Variants in SMYD3 observed in about 807,000 individuals in gnomAD.
SMYD3 encodes the protein SET and MYND domain containing 3, also known as histone-lysine N-methyltransferase SMYD3.
SMYD3 carries 36 observed loss-of-function variants against 57.7 expected under a neutral mutation model. The observed-to-expected ratio is 0.62, with a 90% confidence interval of 0.48 to 0.82. The LOEUF (loss-of-function observed/expected upper bound fraction) is 0.82. Among genes scored for constraint, SMYD3 ranks in the 40% least tolerant of loss-of-function variants. The pLI is 0.00. For synonymous variants in SMYD3, 211 were observed against 195.0 expected (o/e 1.08, Z -0.68); for missense variants, 515 against 538.8 (o/e 0.96, Z 0.44).
intron 5 of SMYD3, among the ~76,000 whole-genome samples, chr1:246,107,173 G>C (rs12080174): frequency 6.8e-6 from 1 of 147,318 alleles, no homozygotes; most frequent in African/African-American, 2.6e-5. Context: ...TGTAGTCCCA[G>C]CTACTCGGGA....
At chr1:246,193,619 T>C (rs768566238) in intron 5 of SMYD3, 1 of 152,162 alleles carries the variant, frequency 6.6e-6, no homozygotes. Context: ...ATAAATCAGA[T>C]CCAAATTAGC....
chr1:246,473,609 C>G (rs538847687), intron 1 of SMYD3, among the ~76,000 whole-genome samples: 107 of 152,312 alleles, frequency 7.0e-4, no homozygotes, highest in African/African-American at 2.4e-3. Flanking sequence ...CCCCCCACCA[C>G]CATAGCAGAC....
At chr1:246,216,243 C>T (rs1257919927) in intron 5 of SMYD3, among the ~76,000 whole-genome samples, 1 of 148,586 alleles carries the variant, frequency 6.7e-6, no homozygotes, top group African/African-American at 2.5e-5. Flanking sequence ...GCCGAGATAG[C>T]GCCATGGCAC....
chr1:246,310,811 A>G (rs1044775343), intron 5 of SMYD3, among the ~76,000 whole-genome samples: 2 of 152,044 alleles, frequency 1.3e-5, no homozygotes, highest in Non-Finnish European at 2.9e-5. Flanking sequence ...CTGGGTCTAC[A>G]GGCATGTGCC....
intron 1 of SMYD3, among the ~76,000 whole-genome samples, chr1:246,453,395 G>C (rs892338004): frequency 6.6e-6 from 1 of 152,220 alleles, no homozygotes; most frequent in Non-Finnish European, 1.5e-5. Context: ...ATTTAGTACA[G>C]TGGTGGATTA....
chr1:246,266,333 C>T (rs1238685252), intron 5 of SMYD3, among the ~76,000 whole-genome samples: 1 of 152,164 alleles, frequency 6.6e-6, no homozygotes, highest in South Asian at 2.1e-4. Context: ...AGGACCAACT[C>T]TAATGTCCAA....
intron 1 of SMYD3, among the ~76,000 whole-genome samples, chr1:246,396,177 T>G (rs1049010016): frequency 6.6e-6 from 1 of 152,206 alleles, no homozygotes; most frequent in Non-Finnish European, 1.5e-5. Context: ...GATGGAAGTA[T>G]GAGTTGCTCA....
intron 5 of SMYD3, among the ~76,000 whole-genome samples, chr1:246,042,445 C>T (rs1156995382): frequency 6.6e-6 from 1 of 152,136 alleles, no homozygotes; most frequent in African/African-American, 2.4e-5. Flanking sequence ...GTGAGGAGCT[C>T]AGCACCTTCC....
At chr1:246,197,024 G>C (rs1254376328) in intron 5 of SMYD3, among the ~76,000 whole-genome samples, 1 of 152,006 alleles carries the variant, frequency 6.6e-6, no homozygotes, top group Non-Finnish European at 1.5e-5. Flanking sequence ...CAATGATGAG[G>C]ATATGTCAAA....
Position 246,199,133 on chromosome 1 carries a change from C to T in SMYD3, c.531+128068G>A, listed in dbSNP as rs185682591. Among the ~76,000 whole-genome samples, 600 of 152,016 alleles carry T rather than the reference C, an allele frequency of 3.9e-3. 3 individuals carry two copies. Among genetic ancestry groups the T allele is most frequent in the South Asian group, 0.011 (53 of 4,806 alleles). On this transcript the variant is annotated intron_variant, in intron 5 of 11. Transcript: ENST00000490107. The stretch of plus-strand genomic sequence containing the variant: ...CCCTTGCCCCCATCCCCTCTTCCCC[C>T]TCTAGTAGTCCCAGTACCTACTGTT...
intron 7 of SMYD3, among the ~76,000 whole-genome samples, chr1:245,921,570 T>TATATATATATACACACACAC (rs1231534223): frequency 1.4e-5 from 2 of 147,898 alleles, no homozygotes; most frequent in African/African-American, 5.1e-5. Flanking sequence ...TATATATATA[T>TATATATATATACACACACAC]ACACATACCA....
At chr1:245,770,127 CAT>C (rs1449167480) in intron 10 of SMYD3, among the ~76,000 whole-genome samples, 6 of 152,206 alleles carry the variant, frequency 3.9e-5, no homozygotes, top group African/African-American at 1.4e-4. Context: ...AACAGGAAAA[CAT>C]AGACAAAAAA....
chr1:246,292,963 T>C (rs1056637351), intron 5 of SMYD3, among the ~76,000 whole-genome samples: 4 of 152,078 alleles, frequency 2.6e-5, no homozygotes, highest in Admixed American at 1.3e-4. Context: ...AAATTGCTGA[T>C]GAAATCAAGG....
intron 5 of SMYD3, among the ~76,000 whole-genome samples, chr1:246,256,809 T>C (rs1325055246): frequency 6.6e-6 from 1 of 152,196 alleles, no homozygotes; most frequent in Non-Finnish European, 1.5e-5. Flanking sequence ...TATTTAGCAC[T>C]ATAAAATTTC....
In SMYD3 at chr1:246,367,618, G is replaced by A. The variant is rs530686978; in HGVS notation, c.165-12524C>T. ...CAGCTAATCTTTGTATTTTAGTAGA[G>A]ATGGGGTTTCACTGTGTTGGCCAGG... is the stretch of plus-strand genomic sequence containing the variant. On this transcript the variant is annotated intron_variant, in intron 1 of 11. Transcript: ENST00000490107. Among the ~76,000 whole-genome samples, 231 of 152,204 alleles carry A rather than the reference G, an allele frequency of 1.5e-3. 1 individual carries two copies. The highest frequency in any genetic ancestry group is 2.8e-3 in the Non-Finnish European group (192 of 68,014).
intron 10 of SMYD3, among the ~76,000 whole-genome samples, chr1:245,852,481 G>A (rs2051027029): frequency 6.6e-6 from 1 of 152,200 alleles, no homozygotes; most frequent in Non-Finnish European, 1.5e-5. Context: ...CATTTCTCTT[G>A]TTCCAAGAAA....
chr1:246,467,961 G>A (rs1396612836), intron 1 of SMYD3, among the ~76,000 whole-genome samples: 2 of 152,122 alleles, frequency 1.3e-5, no homozygotes, highest in African/African-American at 2.4e-5. Context: ...AGGAGTTCAC[G>A]ACCAGCCTGG....
chr1:246,209,578 G>C (rs10802346), intron 5 of SMYD3, among the ~76,000 whole-genome samples: 33,885 of 142,612 alleles, frequency 0.24, 4,990 homozygotes, highest in East Asian at 0.51. Flanking sequence ...TATCAGCATT[G>C]GGGTAAAAAA....
chr1:246,475,329 GAAA>G (rs573868002), intron 1 of SMYD3, among the ~76,000 whole-genome samples: 2 of 103,000 alleles, frequency 1.9e-5, no homozygotes, highest in Non-Finnish European at 2.2e-5. Context: ...GACTGTCTCA[GAAA>G]AAAAAAAAAA....
Sources: gnomAD v4.1 joint callset for allele counts (sites outside exome capture counted in the v4.1 genomes callset) on GRCh38, gnomAD v4.1.1 for gene constraint, MANE v1.5 for transcripts, NCBI Gene and HGNC (gene_info 2026-07-23, HGNC 2026-07-21) for gene names.